Variants in SEPTIN9 observed in about 807,000 individuals in gnomAD.
SEPTIN9 encodes septin-9.
SEPTIN9 carries 13 observed loss-of-function variants against 56.6 expected under a neutral mutation model. The ratio of observed to expected loss-of-function variants is 0.23; its 90% CI spans 0.15 to 0.37. The LOEUF (loss-of-function observed/expected upper bound fraction) is 0.37. Among genes scored for constraint, SEPTIN9 ranks in the 10% least tolerant of loss-of-function variants. The probability of loss-of-function intolerance (pLI) is 1.00; values close to 1 mark genes in which losing one functional copy is unlikely to be tolerated. For missense variants in SEPTIN9, 650 were observed against 823.1 expected, an observed-to-expected ratio of 0.79 and a Z score of 2.57; for synonymous variants, 332 against 334.1, an observed-to-expected ratio of 0.99 and a Z score of 0.07.
intron 3 of SEPTIN9, among the ~76,000 whole-genome samples, chr17:77,447,793 T>A (rs2037799097): frequency 6.6e-6 from 1 of 152,068 alleles, no homozygotes; most frequent in South Asian, 2.1e-4. Flanking sequence ...CCTGGCGAAT[T>A]TTTGTATTTT....
intron 1 of SEPTIN9, among the ~76,000 whole-genome samples, chr17:77,292,542 G>T (rs1417292648): frequency 1.3e-5 from 2 of 151,448 alleles, no homozygotes; most frequent in African/African-American, 2.4e-5. Flanking sequence ...CGCCCAGGCT[G>T]GAGTGCAGTG....
intron 3 of SEPTIN9, among the ~76,000 whole-genome samples, chr17:77,417,840 G>A (rs7207891): frequency 6.6e-6 from 1 of 152,058 alleles, no homozygotes; most frequent in Non-Finnish European, 1.5e-5. Flanking sequence ...CCTACCGGAG[G>A]GGGGGTTCCA....
intron 1 of SEPTIN9, among the ~76,000 whole-genome samples, chr17:77,290,584 T>G (rs1241344954): frequency 6.6e-6 from 1 of 151,520 alleles, no homozygotes; most frequent in African/African-American, 2.4e-5. Flanking sequence ...TCCCAGCACT[T>G]TGAGAGGCCG....
intron 2 of SEPTIN9, among the ~76,000 whole-genome samples, chr17:77,356,567 A>G (rs2034247592): frequency 1.3e-5 from 2 of 148,962 alleles, no homozygotes; most frequent in South Asian, 4.3e-4. Flanking sequence ...TTGGTAGAGA[A>G]CTGGACACAG....
chr17:77,394,840 G>T (rs567339217), intron 2 of SEPTIN9, among the ~76,000 whole-genome samples: 1 of 152,214 alleles, frequency 6.6e-6, no homozygotes, highest in Non-Finnish European at 1.5e-5. Flanking sequence ...GGTCCAGGCT[G>T]CTCCTGTTTC....
chr17:77,478,968 C>T (rs1289075364), intron 3 of SEPTIN9, among the ~76,000 whole-genome samples: 2 of 152,110 alleles, frequency 1.3e-5, no homozygotes, highest in African/African-American at 4.8e-5. Flanking sequence ...ATACCAGGTC[C>T]GTAGAGTAGT....
chr17:77,348,356 T>C (rs1416855034), intron 2 of SEPTIN9, among the ~76,000 whole-genome samples: 3 of 135,616 alleles, frequency 2.2e-5, no homozygotes, highest in African/African-American at 8.0e-5. Flanking sequence ...TGGAGTGCAA[T>C]AGCATGATCT....
chr17:77,300,051 G>A (rs182917682), intron 1 of SEPTIN9, among the ~76,000 whole-genome samples: 3 of 152,322 alleles, frequency 2.0e-5, no homozygotes, highest in East Asian at 1.9e-4. Context: ...TGCCCCTTCC[G>A]CTTCACAGGG....
At chr17:77,391,562 T>C (rs1193046709) in intron 2 of SEPTIN9, among the ~76,000 whole-genome samples, 1 of 152,216 alleles carries the variant, frequency 6.6e-6, no homozygotes, top group Non-Finnish European at 1.5e-5. Flanking sequence ...CTTAATTACA[T>C]CTGCAAAGAT....
intron 3 of SEPTIN9, among the ~76,000 whole-genome samples, chr17:77,454,837 G>A (rs1210748511): frequency 2.6e-5 from 4 of 152,222 alleles, no homozygotes; most frequent in Non-Finnish European, 1.5e-5. Flanking sequence ...TGTGGCCTGA[G>A]CTGGGTTCCC....
chr17:77,420,682 C>CA (rs2036669820), intron 3 of SEPTIN9, among the ~76,000 whole-genome samples: 1 of 152,156 alleles, frequency 6.6e-6, no homozygotes, highest in South Asian at 2.1e-4. Context: ...TGTCTCCCAC[C>CA]CTCTCCCCTG....
In SEPTIN9 at chr17:77,488,261, G is replaced by T; in HGVS notation, c.1064G>T (p.Arg355Leu). ...GCAGATATTGAGGAGAAAGGCGTCC[G>T]GATGAAGCTGACAGTGATTGACACA... The part of the protein sequence containing the change: ...ITHDIEEKGV[R>L]MKLTVIDTPG... Residue 355 changes from arginine (R) to leucine (L), a missense_variant, in exon 6 of 12, where the codon CGG (arginine) becomes CTG (leucine). By Grantham distance (102) the Arg-to-Leu change is moderately radical. This residue lies in a region of SEPTIN9 where 333 missense variants were observed against 494.0 expected (regional missense o/e 0.67). Transcript: ENST00000427177. 6.2e-7 allele frequency: 1 copy of T among 1,613,772 alleles called. No homozygotes were observed. Among genetic ancestry groups the T allele is most frequent in the Non-Finnish European group, 8.5e-7 (1 of 1,179,842 alleles).
intron 1 of SEPTIN9, among the ~76,000 whole-genome samples, chr17:77,296,950 A>T (rs912960883): frequency 4.6e-5 from 7 of 152,208 alleles, no homozygotes; most frequent in Non-Finnish European, 1.0e-4. Flanking sequence ...GATATAAATG[A>T]CCGATGGACA....
At position 77,475,657 on chromosome 17, in the gene SEPTIN9, A is replaced by G; in HGVS notation, c.722-6487A>G. ...TCCAGTGTGCATTGTTACGAGGCAA[A>G]GTAAGGAGACTGCTGGGCCCACGCT... On this transcript the variant is annotated intron_variant, in intron 3 of 11. Transcript: ENST00000427177. The surrounding 1 kb of genome is among the most constrained non-coding windows in gnomAD (Gnocchi z 4.6). 6.2e-7 allele frequency: 1 copy of G among 1,613,818 alleles called. No homozygotes were observed. The highest frequency in any genetic ancestry group is 8.5e-7 in the Non-Finnish European group (1 of 1,179,876).
At position 77,361,833 on chromosome 17, in the gene SEPTIN9, C is replaced by T. The variant is rs563656228; in HGVS notation, c.77-40226C>T. ...ATTTTTAGTAGAGACAGGGTTTCAC[C>T]GTGTTAGCCAGGATGGTCTCGATCT... is the stretch of plus-strand genomic sequence containing the variant. On this transcript the variant is annotated intron_variant, in intron 2 of 11. Transcript: ENST00000427177. Among the ~76,000 whole-genome samples the T allele has an allele frequency of 3.5e-3, 528 of 152,088 alleles. 1 individual carries two copies. The highest frequency in any genetic ancestry group is 0.012 in the African/African-American group (483 of 41,484).
chr17:77,285,115 C>G (rs2031217043), intron 1 of SEPTIN9, among the ~76,000 whole-genome samples: 1 of 152,188 alleles, frequency 6.6e-6, no homozygotes, highest in African/African-American at 2.4e-5. Context: ...CCTCCATGAT[C>G]TTCCCTTACT....
Position 77,492,644 on chromosome 17 carries a change from C to T in SEPTIN9, c.1404C>T (p.Asn468=), listed in dbSNP as rs767255878. The change falls in exon 9 of 12, where the codon AAC becomes AAT. Residue 468 remains asparagine, a synonymous_variant. Transcript: ENST00000427177. This position sits in a 1 kb window ranked among gnomAD's most constrained non-coding sequence, Gnocchi z 5.4. ...KQRITADLLS[N]GIDVYPQKEF... is the part of the protein sequence containing the mutation. Reference sequence around the variant, plus strand: ...AGATCACCGCAGACCTGCTGTCCAACGGCATCGACGTGTACCCCCAGAAGG... The same window carrying T: ...AGATCACCGCAGACCTGCTGTCCAATGGCATCGACGTGTACCCCCAGAAGG... 1.2e-5 allele frequency: 19 copies of T among 1,613,966 alleles called. No homozygotes were observed. The highest frequency in any genetic ancestry group is 5.5e-5 in the South Asian group (5 of 91,088).
chr17:77,487,732 G>A lies in SEPTIN9; in HGVS notation c.1042+180G>A, dbSNP rs1484318038. Among the ~76,000 whole-genome samples the A allele has an allele frequency of 8.5e-6, 1 of 118,242 alleles. No homozygotes were observed. Among genetic ancestry groups the A allele is most frequent in the South Asian group, 2.6e-4 (1 of 3,876 alleles). 77.6% of individuals were successfully genotyped at this position (118,242 alleles called of 152,430 possible). A position where few individuals can be genotyped will look rare whatever the true frequency, so the allele number is the denominator to read the frequency against. On this transcript the variant is annotated intron_variant, in intron 5 of 11. Coordinates refer to ENST00000427177, the MANE Select transcript of SEPTIN9 (RefSeq NM_001113491.2). This position sits in a 1 kb window ranked among gnomAD's most constrained non-coding sequence, Gnocchi z 4.3. ...AGACCATCACACACAGTCAGTGGCC[G>A]GGAGTGGGCTGGGGATGCAGGACGC...
intron 6 of SEPTIN9, 22 bp downstream of exon 6, chr17:77,488,343 G>A: frequency 6.2e-7 from 1 of 1,604,486 alleles, no homozygotes; most frequent in Non-Finnish European, 8.5e-7. Flanking sequence ...CCAGGGGGAG[G>A]AGCACTAGCG....
Sources: gnomAD v4.1 joint callset for allele counts (sites outside exome capture counted in the v4.1 genomes callset) on GRCh38, gnomAD v4.1.1 for gene constraint, gnomAD v4.1.1 regional missense constraint, Gnocchi (gnomAD v3.1) non-coding constraint, MANE v1.5 for transcripts, NCBI Gene and HGNC (gene_info 2026-07-23, HGNC 2026-07-21) for gene names.